PACSIN2: variants seen among roughly 807,000 people sequenced by gnomAD.
PACSIN2 encodes the protein protein kinase C and casein kinase substrate in neurons protein 2.
A neutral mutation model predicts 63.8 loss-of-function variants in PACSIN2; 25 were observed. That is an observed-to-expected ratio of 0.39 (90% confidence interval 0.29 to 0.55). PACSIN2 has a LOEUF of 0.55. Ranked by LOEUF, PACSIN2 falls within the 20% of genes least tolerant of loss-of-function variation. The pLI is 0.62. For missense variants in PACSIN2, 518 were observed against 646.9 expected (o/e 0.80, Z 2.16); for synonymous variants, 255 against 256.2 (o/e 1.00, Z 0.05).
At chr22:43,006,013 G>C (rs945964196) in intron 1 of PACSIN2, among the ~76,000 whole-genome samples, 1 of 151,836 alleles carries the variant, frequency 6.6e-6, no homozygotes, top group African/African-American at 2.4e-5. Context: ...GGCTGGCCAT[G>C]AACTCCTGGC....
chr22:42,897,812 C>T (rs944592156), intron 2 of PACSIN2, among the ~76,000 whole-genome samples: 4 of 152,146 alleles, frequency 2.6e-5, no homozygotes, highest in Non-Finnish European at 5.9e-5. Context: ...GGAGGCTGGC[C>T]AGATTAAAGG....
At chr22:42,936,133 G>A (rs943661447) in intron 1 of PACSIN2, among the ~76,000 whole-genome samples, 47 of 151,528 alleles carry the variant, frequency 3.1e-4, no homozygotes, top group Admixed American at 6.6e-4. Context: ...GGAGAATGGC[G>A]TGAACCCGGG....
At chr22:42,930,101 T>C (rs1164675274) in intron 1 of PACSIN2, among the ~76,000 whole-genome samples, 1 of 152,214 alleles carries the variant, frequency 6.6e-6, no homozygotes, top group Non-Finnish European at 1.5e-5. Context: ...GCTTTTCTCA[T>C]CGCGAACCAT....
Position 42,964,257 on chromosome 22 carries a change from A to G in PACSIN2, c.-78+50764T>C, listed in dbSNP as rs529829192. Among the ~76,000 whole-genome samples the G allele has an allele frequency of 2.6e-5, 4 of 152,258 alleles. No individual in the cohort carries two copies. In the South Asian group the frequency reaches 8.3e-4, roughly 32 times the overall value. On this transcript the variant is annotated intron_variant, in intron 1 of 10. Transcript: ENST00000263246. ...ACATAGTGAAACCCTGTCTCCACTA[A>G]AAGTACAAAAATTAGCTGGGCATGG...
chr22:42,889,398 A>ACACACACACACACACACACT (rs778420398), intron 4 of PACSIN2, among the ~76,000 whole-genome samples: 74 of 151,414 alleles, frequency 4.9e-4, no homozygotes, highest in Middle Eastern at 3.4e-3. Context: ...ACACACACAC[A>ACACACACACACACACACACT]CTCTTAACAG....
intron 1 of PACSIN2, among the ~76,000 whole-genome samples, chr22:42,933,929 GA>G (rs1317593025): frequency 3.3e-5 from 5 of 152,220 alleles, no homozygotes; most frequent in African/African-American, 9.7e-5. Flanking sequence ...AACTATGGAA[GA>G]AACTCCAGTT....
chr22:43,001,677 A>G (rs1923777525), intron 1 of PACSIN2, among the ~76,000 whole-genome samples: 1 of 152,202 alleles, frequency 6.6e-6, no homozygotes, highest in South Asian at 2.1e-4. Context: ...AAGTCTCTTC[A>G]TTTTGTTGTG....
intron 1 of PACSIN2, among the ~76,000 whole-genome samples, chr22:42,991,327 G>A (rs1923025658): frequency 6.6e-6 from 1 of 152,172 alleles, no homozygotes; most frequent in Admixed American, 6.5e-5. Flanking sequence ...CTGGGTCTCA[G>A]CTGGCTGCAG....
chr22:42,992,061 G>T (rs1437298453), intron 1 of PACSIN2, among the ~76,000 whole-genome samples: 1 of 152,088 alleles, frequency 6.6e-6, no homozygotes, highest in African/African-American at 2.4e-5. Context: ...ACTGTTAAAA[G>T]AATGAAAAGA....
intron 1 of PACSIN2, among the ~76,000 whole-genome samples, chr22:42,944,644 G>A (rs80095186): frequency 7.1e-4 from 108 of 152,294 alleles, no homozygotes; most frequent in Non-Finnish European, 1.2e-3. Flanking sequence ...AATTGGAAAC[G>A]AGTCAGCTGC....
At chr22:42,989,528 G>A (rs1922865933) in intron 1 of PACSIN2, among the ~76,000 whole-genome samples, 2 of 151,038 alleles carry the variant, frequency 1.3e-5, no homozygotes, top group South Asian at 4.2e-4. Context: ...CAGGTGTGGT[G>A]GTTCACACCT....
rs571849582 is a variant in PACSIN2 at position 42,922,766 on chromosome 22, G to C, written c.-77-10609C>G. Among the ~76,000 whole-genome samples the C allele has an allele frequency of 1.1e-4, 17 of 152,308 alleles. No homozygotes were observed. In the East Asian group the frequency reaches 3.1e-3, roughly 28 times the overall value. ...CAGGCACTCTTCTAAGCTGGGGGAG[G>C]GGCAGTGGACAAGGCAGACTGGGTC... On this transcript the variant is annotated intron_variant, in intron 1 of 10. Coordinates refer to ENST00000263246, the MANE Select transcript of PACSIN2 (RefSeq NM_001184970.3).
chr22:42,889,366 T>A (rs1049801973), intron 4 of PACSIN2, among the ~76,000 whole-genome samples: 3 of 10,878 alleles, frequency 2.8e-4, no homozygotes, highest in African/African-American at 7.8e-4. Context: ...CTGGTTTTAA[T>A]GGTTTTTACA....
intron 1 of PACSIN2, among the ~76,000 whole-genome samples, chr22:42,913,460 C>G (rs887301625): frequency 2.7e-5 from 3 of 110,972 alleles, no homozygotes; most frequent in African/African-American, 7.1e-5. Context: ...GCCTGGGCAA[C>G]AAGAGCGAAA....
At chr22:42,994,371 A>T (rs1923255985) in intron 1 of PACSIN2, among the ~76,000 whole-genome samples, 2 of 152,212 alleles carry the variant, frequency 1.3e-5, no homozygotes, top group Non-Finnish European at 2.9e-5. Context: ...GAACTTTACC[A>T]TTCAAGAAAC....
In PACSIN2 at chr22:42,987,530, C is replaced by CT. The variant is rs1160565529; in HGVS notation, c.-78+27490dup. On this transcript the variant is annotated intron_variant, in intron 1 of 10. Transcript: ENST00000263246. Reference sequence around the variant, plus strand: ...TGTTCAGAAGACGGGCACATTCATTCTTTTTTTTTTTTTTTTTTGAGACAG... The same window carrying CT: ...TGTTCAGAAGACGGGCACATTCATTCTTTTTTTTTTTTTTTTTTTGAGACAG... Among the ~76,000 whole-genome samples the CT allele has an allele frequency of 1.1e-3, 58 of 52,028 alleles. 7 individuals are homozygous for CT. The highest frequency in any genetic ancestry group is 3.5e-3 in the African/African-American group (36 of 10,284). 34.1% of individuals were successfully genotyped at this position (52,028 alleles called of 152,430 possible). A position where few individuals can be genotyped will look rare whatever the true frequency, so the allele number is the denominator to read the frequency against.
At chr22:42,907,596 T>C (rs1416942807) in intron 2 of PACSIN2, among the ~76,000 whole-genome samples, 2 of 152,182 alleles carry the variant, frequency 1.3e-5, no homozygotes, top group African/African-American at 2.4e-5. Flanking sequence ...GAAAAGTCCG[T>C]TGGGGTCGGC....
chr22:42,875,686 G>A (rs1284240514), intron 10 of PACSIN2, among the ~76,000 whole-genome samples: 2 of 151,998 alleles, frequency 1.3e-5, no homozygotes, highest in African/African-American at 4.8e-5. Flanking sequence ...TAGATGCCCC[G>A]CCACACGCCT....
At chr22:42,918,878 G>A (rs1290579507) in intron 1 of PACSIN2, among the ~76,000 whole-genome samples, 1 of 152,118 alleles carries the variant, frequency 6.6e-6, no homozygotes, top group African/African-American at 2.4e-5. Context: ...AAATGAATCT[G>A]CTTGCAGCAC....
Sources: allele counts gnomAD v4.1 joint callset (sites outside exome capture counted in the v4.1 genomes callset), GRCh38; gene constraint gnomAD v4.1.1; transcripts MANE v1.5; gene names NCBI Gene and HGNC (gene_info 2026-07-23, HGNC 2026-07-21).